The following MAP2K4 variants were observed in gnomAD, a reference collection of about 807,000 sequenced individuals.
The protein encoded by MAP2K4 is mitogen-activated protein kinase kinase 4, also known as dual specificity mitogen-activated protein kinase kinase 4.
In MAP2K4, 4 loss-of-function variants were observed where a neutral mutation model predicts 48.5. The observed-to-expected ratio is 0.08, with a 90% confidence interval of 0.04 to 0.19. The LOEUF is 0.19. Among genes scored for constraint, MAP2K4 ranks in the 10% least tolerant of loss-of-function variants. The pLI is 1.00. For synonymous variants in MAP2K4, 166 were observed against 173.1 expected (o/e 0.96, Z 0.32); for missense variants, 258 against 493.3 (o/e 0.52, Z 4.52).
At chr17:12,032,122 A>G in intron 1 of MAP2K4, 1 of 398,762 alleles carries the variant, frequency 2.5e-6, no homozygotes, top group Non-Finnish European at 4.4e-6. Flanking sequence ...CTCATGTGTT[A>G]TTGTCTCTGG....
intron 9 of MAP2K4, among the ~76,000 whole-genome samples, chr17:12,130,618 A>G (rs1350867034): frequency 6.6e-6 from 1 of 152,144 alleles, no homozygotes; most frequent in African/African-American, 2.4e-5. Flanking sequence ...TGATGCCATA[A>G]TAGAGTGACA....
chr17:12,056,870 G>A (rs921340317), intron 2 of MAP2K4, among the ~76,000 whole-genome samples: 2 of 152,090 alleles, frequency 1.3e-5, no homozygotes, highest in Non-Finnish European at 2.9e-5. Flanking sequence ...CTTGTAGTTT[G>A]TGGGAGTTTT....
intron 3 of MAP2K4, among the ~76,000 whole-genome samples, chr17:12,088,542 T>TTATATGTAATATATAATATATTAAA (rs1567653682): frequency 3.9e-5 from 1 of 25,768 alleles, no homozygotes; most frequent in Non-Finnish European, 1.6e-4. Flanking sequence ...ATATATTAAA[T>TTATATGTAATATATAATATATTAAA]TATATCTAAT....
intron 1 of MAP2K4, among the ~76,000 whole-genome samples, chr17:12,034,835 A>G (rs1469934638): frequency 1.3e-5 from 2 of 152,182 alleles, no homozygotes; most frequent in Non-Finnish European, 2.9e-5. Flanking sequence ...GAGTCTCATG[A>G]TAACTGCTTT....
chr17:12,089,998 G>A (rs1402423789), intron 3 of MAP2K4, among the ~76,000 whole-genome samples: 1 of 152,166 alleles, frequency 6.6e-6, no homozygotes, highest in Non-Finnish European at 1.5e-5. Flanking sequence ...GTTTGCTGAT[G>A]ACTCATATCC....
chr17:12,112,313 AT>A (rs1329248419), intron 6 of MAP2K4, among the ~76,000 whole-genome samples: 1 of 152,018 alleles, frequency 6.6e-6, no homozygotes, highest in Admixed American at 6.5e-5. Context: ...AAATACAAAA[AT>A]TAGCCAGGTG....
At chr17:12,096,647 G>T (rs1567658283) in intron 4 of MAP2K4, among the ~76,000 whole-genome samples, 1 of 152,156 alleles carries the variant, frequency 6.6e-6, no homozygotes, top group Admixed American at 6.5e-5. Flanking sequence ...TTTGGGATGG[G>T]ATTATAGAGT....
intron 2 of MAP2K4, among the ~76,000 whole-genome samples, chr17:12,078,919 A>AGTT (rs1447930100): frequency 6.6e-6 from 1 of 152,194 alleles, no homozygotes; most frequent in African/African-American, 2.4e-5. Context: ...TTTTGCTGGA[A>AGTT]AGATCGCTAG....
rs546329760 is a variant in MAP2K4, at chr17:12,055,305, A to G, written c.218+314A>G. Among the ~76,000 whole-genome samples the G allele has an allele frequency of 2.0e-5, 3 of 152,266 alleles. No homozygotes were observed. The South Asian group carries it at 6.2e-4, about 31-fold the overall frequency. ...GAGTTGTGTACATGTGAGTGTACAC[A>G]TATCAGTGGTTATTTCATTTACTGA... On this transcript the variant is annotated intron_variant, in intron 2 of 10. Coordinates refer to ENST00000353533, the MANE Select transcript of MAP2K4 (RefSeq NM_003010.4).
intron 4 of MAP2K4, among the ~76,000 whole-genome samples, chr17:12,101,977 A>G (rs1033127061): frequency 3.9e-5 from 6 of 151,902 alleles, no homozygotes; most frequent in Admixed American, 1.3e-4. Flanking sequence ...TTTCTTTCCC[A>G]ATTAGTTCCT....
chr17:12,041,415 A>G (rs1269057693), intron 1 of MAP2K4, among the ~76,000 whole-genome samples: 1 of 152,252 alleles, frequency 6.6e-6, no homozygotes, highest in Non-Finnish European at 1.5e-5. Flanking sequence ...AACATTTCTT[A>G]AAAATGATTA....
At chr17:12,087,492 T>C (rs1188261748) in intron 3 of MAP2K4, among the ~76,000 whole-genome samples, 1 of 152,128 alleles carries the variant, frequency 6.6e-6, no homozygotes. Flanking sequence ...GCTCTTCCCA[T>C]AATGTAATAT....
At position 12,121,735 on chromosome 17, in the gene MAP2K4, G is replaced by C. The variant is rs114535855; in HGVS notation, c.814-3559G>C. ...TTATAATATCTGATTGTTCCCTCATGATTAGATTCAGACTACAACTATTTT... is the reference window on the plus strand; with the variant it reads ...TTATAATATCTGATTGTTCCCTCATCATTAGATTCAGACTACAACTATTTT... On this transcript the variant is annotated intron_variant, in intron 7 of 10. Coordinates refer to ENST00000353533, the MANE Select transcript of MAP2K4 (RefSeq NM_003010.4). Among the ~76,000 whole-genome samples the C allele has an allele frequency of 7.9e-3, 1,203 of 152,274 alleles. 14 individuals are homozygous for C. Among genetic ancestry groups the C allele is most frequent in the African/African-American group, 0.028 (1,155 of 41,544 alleles).
intron 1 of MAP2K4, among the ~76,000 whole-genome samples, chr17:12,042,110 G>A (rs1419627683): frequency 1.3e-5 from 2 of 148,630 alleles, no homozygotes; most frequent in Admixed American, 1.4e-4. Context: ...GAACCCAGGA[G>A]GTGGAGGTTG....
intron 3 of MAP2K4, among the ~76,000 whole-genome samples, chr17:12,085,745 A>AG (rs1430717897): frequency 6.6e-6 from 1 of 152,062 alleles, no homozygotes; most frequent in African/African-American, 2.4e-5. Context: ...TAAGGACTAG[A>AG]GCCCTCTGCT....
chr17:12,112,394 C>G (rs1417237559), intron 6 of MAP2K4, among the ~76,000 whole-genome samples: 8 of 140,120 alleles, frequency 5.7e-5, no homozygotes, highest in Non-Finnish European at 1.1e-4. Context: ...ACTTGGGAGG[C>G]GGAGGTTGCA....
intron 1 of MAP2K4, among the ~76,000 whole-genome samples, chr17:12,045,978 C>G (rs1403008836): frequency 6.6e-6 from 1 of 152,194 alleles, no homozygotes. Context: ...CTGACTCTTG[C>G]TATGCTGCAA....
intron 1 of MAP2K4, among the ~76,000 whole-genome samples, chr17:12,051,709 G>C (rs1285924055): frequency 2.0e-5 from 3 of 152,094 alleles, no homozygotes; most frequent in Non-Finnish European, 2.9e-5. Flanking sequence ...CCCTGTGAAA[G>C]TTGTTTCAAG....
intron 3 of MAP2K4, among the ~76,000 whole-genome samples, chr17:12,085,688 G>T (rs1971338047): frequency 6.6e-6 from 1 of 151,990 alleles, no homozygotes. Context: ...TGACTTTAGT[G>T]TCCTTGACCT....
Sources: gnomAD v4.1 joint callset for allele counts (sites outside exome capture counted in the v4.1 genomes callset) on GRCh38, gnomAD v4.1.1 for gene constraint, MANE v1.5 for transcripts, NCBI Gene and HGNC (gene_info 2026-07-23, HGNC 2026-07-21) for gene names.